Variants in KLHL29 observed in about 807,000 individuals in gnomAD.
KLHL29 encodes kelch like family member 29, also known as kelch-like protein 29.
Under a neutral mutation model 80.4 loss-of-function variants are expected in KLHL29, and 21 were observed. That is an observed-to-expected ratio of 0.26 (90% confidence interval 0.19 to 0.38). The LOEUF (loss-of-function observed/expected upper bound fraction) is 0.38. Ranked by LOEUF, KLHL29 falls within the 10% of genes least tolerant of loss-of-function variation. The pLI, the probability that KLHL29 is intolerant of heterozygous loss-of-function variation, is 1.00. For synonymous variants in KLHL29, 511 were observed against 526.8 expected, an observed-to-expected ratio of 0.97 and a Z score of 0.41; for missense variants, 867 against 1,223.9, an observed-to-expected ratio of 0.71 and a Z score of 4.35.
Position 23,562,583 on chromosome 2 carries a change from C to A in KLHL29, c.285+102C>A. On this transcript the variant is annotated intron_variant, in intron 3 of 13. Coordinates refer to ENST00000486442, the MANE Select transcript of KLHL29 (RefSeq NM_052920.2). This position sits in a 1 kb window ranked among gnomAD's most constrained non-coding sequence, Gnocchi z 4.5. The stretch of plus-strand genomic sequence containing the variant: ...AGGCTCCTGTGGGGCAGCCTGTGCT[C>A]CACGCCCCGAGTCCTCCAGAGTCTT... 1 of 1,205,546 alleles carries A rather than the reference C, an allele frequency of 8.3e-7. No homozygotes were observed. Among genetic ancestry groups the A allele is most frequent in the South Asian group, 1.5e-5 (1 of 65,510 alleles). The allele number at this position is 1,205,546 out of a possible 1,614,324, so 74.7% of individuals were successfully genotyped here.
At position 23,461,989 on chromosome 2, in the gene KLHL29, T is replaced by A. The variant is rs562458313; in HGVS notation, c.-153-13571T>A. On this transcript the variant is annotated intron_variant, in intron 1 of 13. Coordinates refer to ENST00000486442, the MANE Select transcript of KLHL29 (RefSeq NM_052920.2). The stretch of plus-strand genomic sequence containing the variant: ...GCGGTTTTTGCCATTTTTTTTTTTT[T>A]AATGACAAAAATGCAATTACTTTTC... Among the ~76,000 whole-genome samples the A allele has an allele frequency of 4.0e-5, 6 of 150,568 alleles. No homozygotes were observed. In the East Asian group the frequency reaches 9.8e-4, roughly 25 times the overall value.
At chr2:23,671,958 G>A (rs1218875385) in intron 5 of KLHL29, 1 of 152,344 alleles carries the variant, frequency 6.6e-6, no homozygotes, top group Admixed American at 6.5e-5. Flanking sequence ...ATACCTTTCT[G>A]CTTCGCTGAC....
chr2:23,689,957 C>A (rs1671477366), intron 6 of KLHL29: 1 of 152,344 alleles, frequency 6.6e-6, no homozygotes, highest in Non-Finnish European at 1.5e-5. Flanking sequence ...TCTGTGGAGT[C>A]CACACCTTGC....
chr2:23,678,122 G>C (rs762782640), intron 5 of KLHL29, among the ~76,000 whole-genome samples: 13 of 152,194 alleles, frequency 8.5e-5, no homozygotes, highest in Non-Finnish European at 1.5e-4. Context: ...CAAATAACTT[G>C]TGTCGTTTGG....
intron 2 of KLHL29, among the ~76,000 whole-genome samples, chr2:23,550,038 G>A (rs547664323): frequency 2.0e-5 from 3 of 152,278 alleles, no homozygotes; most frequent in East Asian, 3.9e-4. Context: ...CCAGCCCAGC[G>A]TGGTCCCTCC....
At chr2:23,459,537 C>T (rs1664151520) in intron 1 of KLHL29, among the ~76,000 whole-genome samples, 1 of 152,060 alleles carries the variant, frequency 6.6e-6, no homozygotes, top group South Asian at 2.1e-4. Flanking sequence ...GGGGAAATGA[C>T]GACCAATGAA....
chr2:23,480,986 G>T (rs116334308), intron 2 of KLHL29, among the ~76,000 whole-genome samples: 302 of 152,258 alleles, frequency 2.0e-3, no homozygotes, highest in African/African-American at 6.7e-3. Flanking sequence ...ACTGTCATAG[G>T]ATCTCATGGA....
At chr2:23,518,574 C>T (rs145901275) in intron 2 of KLHL29, among the ~76,000 whole-genome samples, 5 of 152,170 alleles carry the variant, frequency 3.3e-5, no homozygotes, top group Admixed American at 6.5e-5. Flanking sequence ...CTGTCCCCTC[C>T]GGGAAGGCTC....
chr2:23,389,833 G>A (rs1330729740), intron 1 of KLHL29, among the ~76,000 whole-genome samples: 1 of 152,128 alleles, frequency 6.6e-6, no homozygotes, highest in African/African-American at 2.4e-5. Flanking sequence ...TTGTGTAGAA[G>A]ATAGTCAGTT....
At chr2:23,644,115 A>G (rs671119) in intron 5 of KLHL29, 121,413 of 152,188 alleles carry the variant, frequency 0.8, 48,780 homozygotes, top group East Asian at 1. Context: ...ACTGAGCCCT[A>G]ACTGCCTTTG....
intron 1 of KLHL29, among the ~76,000 whole-genome samples, chr2:23,475,139 A>G (rs932747827): frequency 6.6e-6 from 1 of 152,166 alleles, no homozygotes; most frequent in Non-Finnish European, 1.5e-5. Context: ...GTATTAGATT[A>G]AAGACTTAAA....
chr2:23,640,070 C>T (rs1282034867), intron 4 of KLHL29, among the ~76,000 whole-genome samples: 7 of 152,188 alleles, frequency 4.6e-5, no homozygotes, highest in Non-Finnish European at 8.8e-5. Flanking sequence ...CATGCTGCTT[C>T]AACAGCACCC....
chr2:23,673,259 A>T (rs759998446), intron 5 of KLHL29, among the ~76,000 whole-genome samples: 150 of 122,090 alleles, frequency 1.2e-3, no homozygotes, highest in Non-Finnish European at 2.2e-3. Flanking sequence ...GCTCACATGC[A>T]CTATACACAA....
intron 2 of KLHL29, among the ~76,000 whole-genome samples, chr2:23,481,733 T>C (rs1007247674): frequency 4.6e-5 from 7 of 152,182 alleles, no homozygotes; most frequent in African/African-American, 1.7e-4. Context: ...CTGACTGACA[T>C]GGCGAAACGC....
At chr2:23,599,982 G>T (rs1203969630) in intron 3 of KLHL29, among the ~76,000 whole-genome samples, 1 of 152,186 alleles carries the variant, frequency 6.6e-6, no homozygotes, top group East Asian at 1.9e-4. Flanking sequence ...TGCAGGGTGT[G>T]CATACACACG....
chr2:23,489,836 A>T (rs1331253106), intron 2 of KLHL29, among the ~76,000 whole-genome samples: 2 of 152,124 alleles, frequency 1.3e-5, no homozygotes. Context: ...CACACCAAGG[A>T]GGAGGTGCCC....
chr2:23,687,469 T>A (rs1188076389), intron 6 of KLHL29, among the ~76,000 whole-genome samples: 2 of 152,096 alleles, frequency 1.3e-5, no homozygotes, highest in African/African-American at 4.8e-5. Flanking sequence ...CAGGACAGAA[T>A]GGGAATTCAA....
intron 1 of KLHL29, among the ~76,000 whole-genome samples, chr2:23,390,792 C>T (rs1302410086): frequency 6.6e-6 from 1 of 151,794 alleles, no homozygotes; most frequent in Non-Finnish European, 1.5e-5. Flanking sequence ...GCTGGGATTA[C>T]AGGCGCCTGC....
At chr2:23,413,710 C>G (rs1319799097) in intron 1 of KLHL29, among the ~76,000 whole-genome samples, 1 of 152,204 alleles carries the variant, frequency 6.6e-6, no homozygotes, top group Non-Finnish European at 1.5e-5. Flanking sequence ...AATGTTTGTT[C>G]ATTTTCCCAT....
Sources: allele counts gnomAD v4.1 joint callset (sites outside exome capture counted in the v4.1 genomes callset), GRCh38; gene constraint gnomAD v4.1.1; non-coding constraint Gnocchi (gnomAD v3.1); transcripts MANE v1.5; gene names NCBI Gene and HGNC (gene_info 2026-07-23, HGNC 2026-07-21).